Variants in SLC35E2B observed in about 807,000 individuals in gnomAD.
The protein encoded by SLC35E2B is solute carrier family 35 member E2B.
SLC35E2B carries 18 observed loss-of-function variants against 32.4 expected under a neutral mutation model. The observed-to-expected ratio is 0.56, with a 90% CI of 0.38 to 0.82. SLC35E2B has a LOEUF of 0.82. SLC35E2B is among the 40% of genes least tolerant of loss of function. SLC35E2B has a pLI of 0.00. For missense variants in SLC35E2B, 263 were observed against 469.5 expected, an observed-to-expected ratio of 0.56 and a Z score of 4.06; for synonymous variants, 132 against 209.1, an observed-to-expected ratio of 0.63 and a Z score of 3.18.
chr1:1,689,879 C>T lies in SLC35E2B; in HGVS notation c.-148+1097G>A, dbSNP rs528112977. 5.3e-5 allele frequency among the ~76,000 whole-genome samples: 8 copies of T among 150,052 alleles called. No homozygotes were observed. In the East Asian group the frequency reaches 1.4e-3, roughly 26 times the overall value. On this transcript the variant is annotated intron_variant, in intron 2 of 9. Transcript: ENST00000617444. Reference sequence around the variant, plus strand: ...GTATGCACCTGTAATCCCAGCTACTCGGGAGGGTGAGGCAGGAGAATTGCT... The same window carrying T: ...GTATGCACCTGTAATCCCAGCTACTTGGGAGGGTGAGGCAGGAGAATTGCT...
intron 2 of SLC35E2B, among the ~76,000 whole-genome samples, chr1:1,678,812 C>G (rs190630401): frequency 1.3e-5 from 2 of 152,310 alleles, no homozygotes; most frequent in Non-Finnish European, 2.9e-5. Context: ...CTCCCTGGAG[C>G]TAGGACTGGC....
At chr1:1,687,477 C>T (rs1291646175) in intron 2 of SLC35E2B, among the ~76,000 whole-genome samples, 1 of 152,124 alleles carries the variant, frequency 6.6e-6, no homozygotes, top group African/African-American at 2.4e-5. Flanking sequence ...TGGTGGCTCA[C>T]GCCTGTAATC....
At chr1:1,680,686 G>A (rs923237156) in intron 2 of SLC35E2B, among the ~76,000 whole-genome samples, 12 of 152,016 alleles carry the variant, frequency 7.9e-5, no homozygotes, top group Non-Finnish European at 1.8e-4. Context: ...ACCATGAACC[G>A]TCCTCACCCC....
intron 2 of SLC35E2B, among the ~76,000 whole-genome samples, chr1:1,687,233 A>G (rs186070917): frequency 2.9e-4 from 44 of 152,226 alleles, no homozygotes; most frequent in African/African-American, 9.9e-4. Flanking sequence ...AGACAGTCAC[A>G]CCTGCACAGC....
Position 1,663,825 on chromosome 1 carries a change from C to T in SLC35E2B, c.*1957G>A. The T allele has an allele frequency of 3.3e-6, 3 of 912,572 alleles. No individual in the cohort carries two copies. The highest frequency in any genetic ancestry group is 4.9e-5 in the South Asian group (1 of 20,484). 56.5% of individuals were successfully genotyped at this position (912,572 alleles called of 1,614,324 possible). A position where few individuals can be genotyped will look rare whatever the true frequency, so the allele number is the denominator to read the frequency against. On this transcript the variant is annotated 3_prime_UTR_variant, in exon 10 of 10. Transcript: ENST00000617444. ...AGAAATGGAAATCCGGGGAAAGTCA[C>T]GTGACAAAACATCTTCGCAGCGCAG...
intron 9 of SLC35E2B, among the ~76,000 whole-genome samples, chr1:1,667,922 A>G (rs6662227): frequency 0.94 from 141,991 of 150,772 alleles, 67,090 homozygotes; most frequent in Middle Eastern, 0.98. Context: ...GTGAGATCTC[A>G]ACTCACTGTA....
intron 2 of SLC35E2B, among the ~76,000 whole-genome samples, chr1:1,686,321 C>CTTTTTTTT (rs375495225): frequency 7.8e-6 from 1 of 127,790 alleles, no homozygotes. Context: ...CTTTTTTTTT[C>CTTTTTTTT]TTTTTTTTTT....
chr1:1,665,025 A>G lies in SLC35E2B; in HGVS notation c.*757T>C, dbSNP rs913368289. 2.9e-5 allele frequency: 28 copies of G among 970,440 alleles called. No individual in the cohort carries two copies. In the African/African-American group the frequency reaches 4.9e-4, roughly 17 times the overall value. 60.1% of individuals were successfully genotyped at this position (970,440 alleles called of 1,614,324 possible). A position where few individuals can be genotyped will look rare whatever the true frequency, so the allele number is the denominator to read the frequency against. On this transcript the variant is annotated 3_prime_UTR_variant, in exon 10 of 10. Coordinates refer to ENST00000617444, the MANE Select transcript of SLC35E2B (RefSeq NM_001290264.2). ...CTCAGGGCTGGAAACCCCCACAGGTAGGAGGGCAGGGTGCCCTGGGGTTGC... is the reference window on the plus strand; with the variant it reads ...CTCAGGGCTGGAAACCCCCACAGGTGGGAGGGCAGGGTGCCCTGGGGTTGC...
intron 9 of SLC35E2B, among the ~76,000 whole-genome samples, chr1:1,667,989 A>C (rs1643588264): frequency 6.6e-6 from 1 of 151,458 alleles, no homozygotes; most frequent in Non-Finnish European, 1.5e-5. Flanking sequence ...AGTAGCTGGG[A>C]TTACAGGTGC....
chr1:1,674,867 C>T (rs543170390), intron 5 of SLC35E2B, among the ~76,000 whole-genome samples: 5 of 152,168 alleles, frequency 3.3e-5, no homozygotes, highest in Non-Finnish European at 7.3e-5. Context: ...CAAGACGCCG[C>T]GCTCTGTGGG....
At chr1:1,679,557 T>C (rs1230712261) in intron 2 of SLC35E2B, among the ~76,000 whole-genome samples, 2 of 152,062 alleles carry the variant, frequency 1.3e-5, no homozygotes, top group African/African-American at 4.8e-5. Context: ...CCAGGCGCCG[T>C]GGCTCACACC....
intron 2 of SLC35E2B, among the ~76,000 whole-genome samples, chr1:1,686,644 TAATCCCAGCTACTCG>T (rs1643955333): frequency 6.6e-6 from 1 of 151,870 alleles, no homozygotes; most frequent in Admixed American, 6.6e-5. Context: ...CATGCGCCTG[TAATCCCAGCTACTCG>T]GGAGGCTGAG....
intron 6 of SLC35E2B, 133 bp from the exon 7 acceptor site, chr1:1,670,284 G>T (rs1430460301): frequency 9.1e-6 from 6 of 661,456 alleles, no homozygotes; most frequent in Middle Eastern, 5.0e-4. Flanking sequence ...ACCACGCCTG[G>T]TTACTTTTTT....
chr1:1,679,244 G>A (rs553481842), intron 2 of SLC35E2B, among the ~76,000 whole-genome samples: 21 of 152,194 alleles, frequency 1.4e-4, no homozygotes, highest in African/African-American at 3.6e-4. Context: ...CGCCAGTCAC[G>A]TCCCACCTGA....
intron 2 of SLC35E2B, among the ~76,000 whole-genome samples, chr1:1,678,678 C>CA (rs1557761033): frequency 6.6e-6 from 1 of 151,962 alleles, no homozygotes; most frequent in African/African-American, 2.4e-5. Flanking sequence ...ATCCACTCCT[C>CA]GGGCCACTGA....
chr1:1,672,346 T>C (rs1643716370), intron 5 of SLC35E2B: 1 of 152,120 alleles, frequency 6.6e-6, no homozygotes. Context: ...AGACCTTGTC[T>C]CAAAAGAAGA....
chr1:1,668,614 G>A, intron 8 of SLC35E2B, 142 bp from the exon 9 acceptor site: 1 of 1,494,732 alleles, frequency 6.7e-7, no homozygotes, highest in Non-Finnish European at 9.1e-7. Context: ...GCCTCGAGCG[G>A]ACAGCTGGAC....
At position 1,689,469 on chromosome 1, in the gene SLC35E2B, G is replaced by A. The variant is rs763876113; in HGVS notation, c.-148+1507C>T. Among the ~76,000 whole-genome samples the A allele has an allele frequency of 1.1e-3, 168 of 151,664 alleles. 3 individuals carry two copies. The highest frequency in any genetic ancestry group is 2.1e-3 in the South Asian group (10 of 4,772). On this transcript the variant is annotated intron_variant, in intron 2 of 9. Coordinates refer to ENST00000617444, the MANE Select transcript of SLC35E2B (RefSeq NM_001290264.2). ...CGTGAGACACACGAAGGAAAGACAC[G>A]GCTTTGCAGCAGCAGGGTCACGATT...
rs1018870672 is a variant in SLC35E2B at position 1,665,927 on chromosome 1, G to A, written c.1073C>T (p.Ala358Val). 21 of 1,551,356 alleles carry A rather than the reference G, an allele frequency of 1.4e-5. No homozygotes were observed. The highest frequency in any genetic ancestry group is 2.6e-6 in the Non-Finnish European group (3 of 1,147,002). ...KITSLSAVGT[A>V]LVTVGVLLYN... ...GAGCAGGACCCCAACGGTCACCAGG[G>A]CTGTGCCAACGGCCGACAAGCTGGT... Residue 358 changes from alanine (A) to valine (V), a missense_variant, in exon 10 of 10, where the codon GCC becomes GTC. By Grantham distance (64) the Ala-to-Val change is moderately conservative (BLOSUM62 0). Coordinates refer to ENST00000617444, the MANE Select transcript of SLC35E2B (RefSeq NM_001290264.2).
Sources: gnomAD v4.1 joint callset for allele counts (sites outside exome capture counted in the v4.1 genomes callset) on GRCh38, gnomAD v4.1.1 for gene constraint, MANE v1.5 for transcripts, NCBI Gene and HGNC (gene_info 2026-07-23, HGNC 2026-07-21) for gene names.